Variants in METTL15 observed in about 807,000 individuals in gnomAD.
METTL15 encodes the protein 12S rRNA N(4)-cytidine methyltransferase METTL15.
METTL15 carries 34 observed loss-of-function variants against 38.3 expected under a neutral mutation model. The ratio of observed to expected loss-of-function variants is 0.89; its 90% CI spans 0.68 to 1.18. The LOEUF is 1.18. METTL15 is among the 50% of genes most tolerant of loss of function. METTL15 has a pLI of 0.00. For synonymous variants in METTL15, 162 were observed against 170.9 expected, an observed-to-expected ratio of 0.95 and a Z score of 0.41; for missense variants, 438 against 498.4, an observed-to-expected ratio of 0.88 and a Z score of 1.15.
intron 5 of METTL15, among the ~76,000 whole-genome samples, chr11:28,368,596 A>T (rs1458012387): frequency 6.6e-6 from 1 of 152,182 alleles, no homozygotes; most frequent in East Asian, 1.9e-4. Flanking sequence ...CAGTGTGGCG[A>T]TTCCTCAAGG....
intron 6 of METTL15, among the ~76,000 whole-genome samples, chr11:28,506,793 G>A (rs1851631626): frequency 7.2e-6 from 1 of 138,280 alleles, no homozygotes; most frequent in South Asian, 2.4e-4. Context: ...TGCCCAGGAT[G>A]GAGTGCAGTG....
chr11:28,390,174 A>C (rs912575773), intron 5 of METTL15, among the ~76,000 whole-genome samples: 35 of 151,874 alleles, frequency 2.3e-4, no homozygotes, highest in African/African-American at 8.5e-4. Flanking sequence ...GCCATTCTGT[A>C]GGTTGCCTGT....
intron 4 of METTL15, among the ~76,000 whole-genome samples, chr11:28,278,146 G>A (rs1590252503): frequency 6.6e-6 from 1 of 152,202 alleles, no homozygotes; most frequent in African/African-American, 2.4e-5. Flanking sequence ...TGTCTAGAAG[G>A]AGAAATTATC....
intron 3 of METTL15, among the ~76,000 whole-genome samples, chr11:28,339,286 A>G (rs1457392338): frequency 6.6e-6 from 1 of 152,096 alleles, no homozygotes; most frequent in Non-Finnish European, 1.5e-5. Context: ...TTAAAAGATG[A>G]AGAATACATA....
intron 3 of METTL15, among the ~76,000 whole-genome samples, chr11:28,169,386 T>A (rs1223083031): frequency 6.6e-6 from 1 of 152,038 alleles, no homozygotes; most frequent in Non-Finnish European, 1.5e-5. Flanking sequence ...GATATTATGA[T>A]TTGAAGATTT....
chr11:28,221,269 C>CT (rs1416158053), intron 4 of METTL15, among the ~76,000 whole-genome samples: 1 of 152,094 alleles, frequency 6.6e-6, no homozygotes, highest in Non-Finnish European at 1.5e-5. Context: ...TCTTTTTATT[C>CT]TTTTTTCTCT....
intron 5 of METTL15, among the ~76,000 whole-genome samples, chr11:28,388,741 T>A (rs1234107694): frequency 6.6e-6 from 1 of 152,154 alleles, no homozygotes; most frequent in African/African-American, 2.4e-5. Flanking sequence ...GCAGGTTTGT[T>A]ACATATGTAT....
intron 3 of METTL15, among the ~76,000 whole-genome samples, chr11:28,127,734 A>G (rs1590767830): frequency 6.6e-6 from 1 of 152,124 alleles, no homozygotes; most frequent in Non-Finnish European, 1.5e-5. Context: ...CATAGAACCA[A>G]TTAATACTGT....
intron 3 of METTL15, among the ~76,000 whole-genome samples, chr11:28,168,441 GCAAA>G (rs1453772749): frequency 6.7e-6 from 1 of 150,226 alleles, no homozygotes. Context: ...TTCTTTTAGA[GCAAA>G]CAATCAGTAG....
chr11:28,423,375 G>T (rs1205168961), intron 5 of METTL15, among the ~76,000 whole-genome samples: 1 of 151,752 alleles, frequency 6.6e-6, no homozygotes, highest in Non-Finnish European at 1.5e-5. Flanking sequence ...GAAAATCAAT[G>T]TATTGAATGA....
At chr11:28,230,380 A>G (rs1298611706) in intron 4 of METTL15, among the ~76,000 whole-genome samples, 1 of 151,966 alleles carries the variant, frequency 6.6e-6, no homozygotes, top group Non-Finnish European at 1.5e-5. Flanking sequence ...TGATATTTAT[A>G]TTATGATAAC....
chr11:28,503,099 G>T (rs1851598190), intron 6 of METTL15, among the ~76,000 whole-genome samples: 1 of 152,134 alleles, frequency 6.6e-6, no homozygotes, highest in Non-Finnish European at 1.5e-5. Flanking sequence ...CAGGACTCAG[G>T]CATTAGATGG....
chr11:28,287,008 ACT>A (rs1491552881), intron 4 of METTL15, among the ~76,000 whole-genome samples: 1 of 133,306 alleles, frequency 7.5e-6, no homozygotes, highest in African/African-American at 3.1e-5. Context: ...TATTCTCCAC[ACT>A]ATATATATAT....
At position 28,315,549 on chromosome 11, in the gene METTL15, A is replaced by AT. The variant is rs1403019192; in HGVS notation, c.779-14843dup. Among the ~76,000 whole-genome samples the AT allele has an allele frequency of 2.0e-5, 3 of 152,346 alleles. No homozygotes were observed. The East Asian group carries it at 5.8e-4, about 29-fold the overall frequency. On this transcript the variant is annotated intron_variant, in intron 6 of 6. Transcript: ENST00000407364. ...GACAATGTGATAGAAAAGAAATCCC[A>AT]TTTTCTGAGGAGAAATCCAAGCTGA...
intron 6 of METTL15, among the ~76,000 whole-genome samples, chr11:28,520,452 A>G (rs1048599586): frequency 6.6e-6 from 1 of 152,194 alleles, no homozygotes; most frequent in African/African-American, 2.4e-5. Context: ...GATAGAAACA[A>G]CAAAGGCATC....
At chr11:28,264,628 G>A (rs1855339504) in intron 4 of METTL15, among the ~76,000 whole-genome samples, 1 of 152,040 alleles carries the variant, frequency 6.6e-6, no homozygotes, top group Non-Finnish European at 1.5e-5. Flanking sequence ...CTGGGTATTA[G>A]AGGATAAACA....
chr11:28,125,684 C>A (rs1852448508), intron 3 of METTL15: 1 of 151,918 alleles, frequency 6.6e-6, no homozygotes, highest in Non-Finnish European at 1.5e-5. Context: ...AACTATAAAC[C>A]AATTTTTAAC....
chr11:28,148,630 T>C (rs192758521), intron 3 of METTL15, among the ~76,000 whole-genome samples: 14 of 152,082 alleles, frequency 9.2e-5, no homozygotes, highest in Admixed American at 9.2e-4. Flanking sequence ...CTTGTCTAAG[T>C]CTTTGGCTTT....
intron 4 of METTL15, among the ~76,000 whole-genome samples, chr11:28,274,966 T>C (rs1397052971): frequency 6.6e-6 from 1 of 151,242 alleles, no homozygotes; most frequent in Non-Finnish European, 1.5e-5. Context: ...TAAAGAATGC[T>C]AAAAGACTCA....
Sources: gnomAD v4.1 joint callset for allele counts (sites outside exome capture counted in the v4.1 genomes callset) on GRCh38, gnomAD v4.1.1 for gene constraint, MANE v1.5 for transcripts, NCBI Gene and HGNC (gene_info 2026-07-23, HGNC 2026-07-21) for gene names.